Variants in SAMSN1 observed in about 807,000 individuals in gnomAD.
SAMSN1 encodes the protein SAM domain, SH3 domain and nuclear localization signals 1.
Under a neutral mutation model 42.0 loss-of-function variants are expected in SAMSN1, and 31 were observed. That is an observed-to-expected ratio of 0.74 (90% CI 0.55 to 1.00). The LOEUF (loss-of-function observed/expected upper bound fraction) is 1.00. SAMSN1 is among the 50% of genes least tolerant of loss of function. SAMSN1 has a pLI of 0.00. For synonymous variants in SAMSN1, 178 were observed against 151.9 expected (o/e 1.17, Z -1.26); for missense variants, 464 against 439.4 (o/e 1.06, Z -0.50).
At chr21:14,514,849 G>T (rs1987833482) in intron 3 of SAMSN1, among the ~76,000 whole-genome samples, 1 of 152,128 alleles carries the variant, frequency 6.6e-6, no homozygotes, top group Non-Finnish European at 1.5e-5. Context: ...ATAAGCAATT[G>T]ATTGTATTAA....
chr21:14,572,409 G>T (rs933906319), intron 2 of SAMSN1, among the ~76,000 whole-genome samples: 1 of 152,120 alleles, frequency 6.6e-6, no homozygotes, highest in South Asian at 2.1e-4. Context: ...TTTGACTCAC[G>T]GAGTTTCCAC....
intron 2 of SAMSN1, among the ~76,000 whole-genome samples, chr21:14,581,793 T>G (rs1429290834): frequency 1.3e-5 from 2 of 152,194 alleles, no homozygotes; most frequent in Non-Finnish European, 2.9e-5. Flanking sequence ...CTCATTAAAA[T>G]TAGCTATTAT....
At chr21:14,588,416 C>T (rs2123264932) in intron 7 of SAMSN1, among the ~76,000 whole-genome samples, 1 of 146,444 alleles carries the variant, frequency 6.8e-6, no homozygotes, top group Non-Finnish European at 1.5e-5. Flanking sequence ...CTGTTGTTTC[C>T]TGACTTTTTA....
chr21:14,602,643 C>A (rs554460807), intron 5 of SAMSN1, among the ~76,000 whole-genome samples: 1 of 152,292 alleles, frequency 6.6e-6, no homozygotes, highest in South Asian at 2.1e-4. Flanking sequence ...TTAGCTCCTG[C>A]AAATGGGAGC....
upstream of SAMSN1, chr21:14,546,328 C>T (rs1980391507): frequency 3.7e-6 from 6 of 1,603,956 alleles, no homozygotes; most frequent in East Asian, 6.7e-5. Context: ...AAACAGTCAG[C>T]AGTGTGCTGT....
intron 7 of SAMSN1, chr21:14,593,693 C>T (rs1012368950): frequency 1.5e-5 from 3 of 206,070 alleles, no homozygotes; most frequent in African/African-American, 4.6e-5. Flanking sequence ...GGGATAACAC[C>T]TATTTCCCCC....
rs73161259 is a variant in SAMSN1 at position 14,544,819 on chromosome 21, G to A, written c.57+1386C>T. On this transcript the variant is annotated intron_variant, in intron 1 of 7. Coordinates refer to ENST00000400566, the MANE Select transcript of SAMSN1 (RefSeq NM_022136.5). ...GACTCTAACTCACTATAAAATACAG[G>A]CTTTATTAAATACTCTCTCTTTAGA... Among the ~76,000 whole-genome samples the A allele has an allele frequency of 3.7e-4, 56 of 152,082 alleles. No homozygotes were observed. In the Middle Eastern group the frequency reaches 0.014, roughly 37 times the overall value.
chr21:14,518,730 A>C (rs892550195), intron 2 of SAMSN1, among the ~76,000 whole-genome samples: 4 of 152,238 alleles, frequency 2.6e-5, no homozygotes, highest in Non-Finnish European at 4.4e-5. Flanking sequence ...ATGGACAGCC[A>C]ATTTAAACCC....
intron 2 of SAMSN1, among the ~76,000 whole-genome samples, chr21:14,575,938 C>A (rs1470491495): frequency 6.6e-6 from 1 of 152,126 alleles, no homozygotes; most frequent in Admixed American, 6.5e-5. Flanking sequence ...TTCACCTACA[C>A]TTTTAAACTT....
At chr21:14,503,041 G>T (rs1035836344) in intron 5 of SAMSN1, among the ~76,000 whole-genome samples, 2 of 152,064 alleles carry the variant, frequency 1.3e-5, no homozygotes, top group African/African-American at 2.4e-5. Context: ...TCTTCTCTTT[G>T]TGCTATTGTA....
At chr21:14,568,000 T>C (rs181969976) in intron 2 of SAMSN1, among the ~76,000 whole-genome samples, 7 of 152,314 alleles carry the variant, frequency 4.6e-5, no homozygotes, top group Admixed American at 2.6e-4. Flanking sequence ...TCAGAAGTTG[T>C]TCTAAAACTT....
At chr21:14,593,899 G>A in intron 7 of SAMSN1, 1 of 613,368 alleles carries the variant, frequency 1.6e-6, no homozygotes, top group Non-Finnish European at 3.0e-6. Flanking sequence ...CCATGTGGCA[G>A]CTGAAAACAG....
At chr21:14,528,291 A>T (rs1979010567) in intron 1 of SAMSN1, among the ~76,000 whole-genome samples, 1 of 152,136 alleles carries the variant, frequency 6.6e-6, no homozygotes, top group African/African-American at 2.4e-5. Flanking sequence ...GCCCATAAAT[A>T]AGTACCACTA....
chr21:14,583,570 A>T (rs1314248079), upstream of SAMSN1: 1 of 659,546 alleles, frequency 1.5e-6, no homozygotes, highest in East Asian at 2.8e-5. Context: ...TTAAGACTTT[A>T]TCAAAATGGG....
intron 6 of SAMSN1, 31 bp from the exon 7 acceptor site, chr21:14,498,623 T>C: frequency 6.6e-7 from 1 of 1,512,872 alleles, no homozygotes; most frequent in South Asian, 1.3e-5. Flanking sequence ...AGCAAATTAG[T>C]CAGATTCAAA....
At chr21:14,487,019 C>T (rs1365005531) in intron 7 of SAMSN1, among the ~76,000 whole-genome samples, 1 of 152,146 alleles carries the variant, frequency 6.6e-6, no homozygotes, top group African/African-American at 2.4e-5. Flanking sequence ...TTTCTGCATC[C>T]TGAGCTGAGC....
chr21:14,492,347 G>A (rs995615460), intron 7 of SAMSN1, among the ~76,000 whole-genome samples: 2 of 152,214 alleles, frequency 1.3e-5, no homozygotes, highest in African/African-American at 4.8e-5. Flanking sequence ...ACTTGTATGT[G>A]TGAGGTGGGA....
chr21:14,514,227 C>G (rs553855014), intron 3 of SAMSN1, among the ~76,000 whole-genome samples: 1 of 152,316 alleles, frequency 6.6e-6, no homozygotes, highest in Non-Finnish European at 1.5e-5. Flanking sequence ...TTTTCCTCAT[C>G]CTTTTACAGA....
intron 1 of SAMSN1, among the ~76,000 whole-genome samples, chr21:14,653,753 C>T (rs976336839): frequency 5.3e-5 from 8 of 151,864 alleles, no homozygotes; most frequent in African/African-American, 1.9e-4. Context: ...CAAATCATCT[C>T]ATGTACTCCA....
Sources: gnomAD v4.1 joint callset for allele counts (sites outside exome capture counted in the v4.1 genomes callset) on GRCh38, gnomAD v4.1.1 for gene constraint, MANE v1.5 for transcripts, NCBI Gene and HGNC (gene_info 2026-07-23, HGNC 2026-07-21) for gene names.